The following HIP1 variants were observed in gnomAD, a reference collection of about 807,000 sequenced individuals.
The protein encoded by HIP1 is huntingtin interacting protein 1, also known as huntingtin-interacting protein 1.
In HIP1, 65 loss-of-function variants were observed where a neutral mutation model predicts 147.6. The ratio of observed to expected loss-of-function variants is 0.44; its 90% CI spans 0.36 to 0.54. The LOEUF (loss-of-function observed/expected upper bound fraction) is 0.54, where lower values mean the gene tolerates loss of function less well. HIP1 is among the 20% of genes least tolerant of loss of function. The pLI, the probability that HIP1 is intolerant of heterozygous loss-of-function variation, is 0.00. For missense variants in HIP1, 1,061 were observed against 1,299.6 expected (o/e 0.82, Z 2.82); for synonymous variants, 479 against 504.0 (o/e 0.95, Z 0.67).
intron 1 of HIP1, among the ~76,000 whole-genome samples, chr7:75,715,801 A>AAAAAAAAAAAAT: frequency 7.3e-6 from 1 of 137,482 alleles, no homozygotes; most frequent in East Asian, 2.2e-4. Context: ...AAAAAAAAAG[A>AAAAAAAAAAAAT]TGTCTATCTG....
intron 1 of HIP1, among the ~76,000 whole-genome samples, chr7:75,633,583 C>T (rs1390778886): frequency 5.9e-5 from 9 of 152,130 alleles, no homozygotes; most frequent in South Asian, 2.1e-4. Context: ...TGAGCCACCG[C>T]GCACCTGGCC....
chr7:75,628,532 G>C (rs970596544), intron 1 of HIP1, among the ~76,000 whole-genome samples: 1 of 137,878 alleles, frequency 7.3e-6, no homozygotes, highest in Non-Finnish European at 1.5e-5. Flanking sequence ...AGGCCAGACT[G>C]TAGTGGCACA....
chr7:75,702,161 A>T (rs1800854248), intron 1 of HIP1, among the ~76,000 whole-genome samples: 1 of 150,796 alleles, frequency 6.6e-6, no homozygotes, highest in Non-Finnish European at 1.5e-5. Context: ...CCCAGGCTGG[A>T]ATGCAATGGC....
At position 75,562,847 on chromosome 7, in the gene HIP1, A is replaced by G. The variant is rs1187768729; in HGVS notation, c.1020+88T>C. ...AGAAGCCTGAACCTGGTTAGAGTCA[A>G]TGGGCTTTGGCCAGGGTCTCCCCCA... is the stretch of plus-strand genomic sequence containing the variant. On this transcript the variant is annotated intron_variant, in intron 11 of 30. Transcript: ENST00000336926. 6 of 1,378,974 alleles carry G rather than the reference A, an allele frequency of 4.4e-6. No homozygotes were observed. The African/African-American group carries it at 5.7e-5, about 13-fold the overall frequency. 85.4% of individuals were successfully genotyped at this position (1,378,974 alleles called of 1,614,324 possible). A position where few individuals can be genotyped will look rare whatever the true frequency, so the allele number is the denominator to read the frequency against.
At chr7:75,736,456 C>T (rs1385714352) in intron 1 of HIP1, among the ~76,000 whole-genome samples, 2 of 151,830 alleles carry the variant, frequency 1.3e-5, no homozygotes, top group Non-Finnish European at 2.9e-5. Flanking sequence ...ATGGCTCATG[C>T]CTGTAGTCCC....
chr7:75,651,340 T>C (rs1392374398), intron 1 of HIP1, among the ~76,000 whole-genome samples: 4 of 151,444 alleles, frequency 2.6e-5, no homozygotes, highest in African/African-American at 9.7e-5. Flanking sequence ...GCACCTATAG[T>C]CCCAGCTACT....
intron 14 of HIP1, 23 bp downstream of exon 14, chr7:75,559,709 C>A: frequency 1.5e-6 from 1 of 682,646 alleles, no homozygotes; most frequent in South Asian, 1.7e-5. Context: ...CGGGGCCCGC[C>A]CCCGCCCCCA....
chr7:75,650,302 T>C (rs1798930044), intron 1 of HIP1, among the ~76,000 whole-genome samples: 1 of 152,056 alleles, frequency 6.6e-6, no homozygotes, highest in Non-Finnish European at 1.5e-5. Context: ...CAGAGCTCTC[T>C]GCCCCTGCCC....
At position 75,606,495 on chromosome 7, in the gene HIP1, G is replaced by C. The variant is rs587705771; in HGVS notation, c.121-7248C>G. On this transcript the variant is annotated intron_variant, in intron 1 of 30. Transcript: ENST00000336926. The stretch of plus-strand genomic sequence containing the variant: ...TTGGGAGGCTGAGGCAGAATTGCTT[G>C]AACACGGGAGGTGCAGGTTGCAGTG... 5.9e-5 allele frequency among the ~76,000 whole-genome samples: 9 copies of C among 152,042 alleles called. No individual in the cohort carries two copies. In the East Asian group the frequency reaches 1.2e-3, roughly 20 times the overall value.
chr7:75,685,077 C>T lies in HIP1; in HGVS notation c.120+53724G>A, dbSNP rs183879093. ...CTGCACTCCAGCCTGGGTGACAGAG[C>T]GAGACTCCGTCTCAAAAAAAATAAA... On this transcript the variant is annotated intron_variant, in intron 1 of 30. Coordinates refer to ENST00000336926, the MANE Select transcript of HIP1 (RefSeq NM_005338.7). Among the ~76,000 whole-genome samples the T allele has an allele frequency of 3.1e-3, 471 of 151,388 alleles. 2 individuals are homozygous for T. Among genetic ancestry groups the T allele is most frequent in the African/African-American group, 0.011 (442 of 41,240 alleles).
At position 75,738,828 on chromosome 7, in the gene HIP1, C is replaced by T; in HGVS notation, c.93G>A (p.Ala31=). Residue 31 remains alanine (A), a synonymous_variant, in exon 1 of 31, where the codon GCG becomes GCA. Coordinates refer to ENST00000336926, the MANE Select transcript of HIP1 (RefSeq NM_005338.7). ...GAGTCCGCTCGAAGCTCTCGCGCTC[C>T]GCCGCCTCCAGCCCAGCGCCGACCC... ...RRGVGAGLEA[A]ERESFERTQT... The T allele has an allele frequency of 6.3e-7, 1 of 1,599,112 alleles. No individual in the cohort carries two copies. Among genetic ancestry groups the T allele is most frequent in the African/African-American group, 1.3e-5 (1 of 74,462 alleles).
intron 1 of HIP1, among the ~76,000 whole-genome samples, chr7:75,731,829 C>T (rs977268206): frequency 6.6e-6 from 1 of 152,134 alleles, no homozygotes; most frequent in Admixed American, 6.6e-5. Flanking sequence ...TCAGGACCCA[C>T]GGTCACCATC....
chr7:75,656,601 T>C (rs1177386883), intron 1 of HIP1, among the ~76,000 whole-genome samples: 3 of 151,914 alleles, frequency 2.0e-5, no homozygotes, highest in African/African-American at 7.3e-5. Context: ...CCTCAGCCTC[T>C]GGAGTAGCTG....
At position 75,646,366 on chromosome 7, in the gene HIP1, C is replaced by T. The variant is rs373316913; in HGVS notation, c.121-47119G>A. Among the ~76,000 whole-genome samples the T allele has an allele frequency of 3.0e-4, 46 of 152,328 alleles. 1 individual carries two copies. The East Asian group carries it at 4.2e-3, about 14-fold the overall frequency. On this transcript the variant is annotated intron_variant, in intron 1 of 30. Coordinates refer to ENST00000336926, the MANE Select transcript of HIP1 (RefSeq NM_005338.7). ...CCTCCCAAAGTGCTGGGATTACGAG[C>T]GTGAGCCACCTCGCCTGGCCACAGT...
chr7:75,628,736 C>T (rs1230708720), intron 1 of HIP1, among the ~76,000 whole-genome samples: 4 of 152,194 alleles, frequency 2.6e-5, no homozygotes, highest in Non-Finnish European at 5.9e-5. Flanking sequence ...GCCTTGGCCT[C>T]CCAAAGGGCC....
chr7:75,685,015 CAGG>C (rs1800210751), intron 1 of HIP1, among the ~76,000 whole-genome samples: 1 of 152,050 alleles, frequency 6.6e-6, no homozygotes. Flanking sequence ...GGCATGAACC[CAGG>C]AGGTGGAGCT....
chr7:75,556,188 G>A lies in HIP1; in HGVS notation c.1684-19C>T. ...CTTCTGACTGCAAAGGTGACCACAA[G>A]GAAAGAGGGAGACGCTGGTTGAGTT... On this transcript the variant is annotated intron_variant, in intron 17 of 30. Coordinates refer to ENST00000336926, the MANE Select transcript of HIP1 (RefSeq NM_005338.7). 1 of 1,612,886 alleles carries A rather than the reference G, an allele frequency of 6.2e-7. No individual in the cohort carries two copies. The highest frequency in any genetic ancestry group is 8.5e-7 in the Non-Finnish European group (1 of 1,179,524).
At chr7:75,669,132 G>A (rs2905865) in intron 1 of HIP1, among the ~76,000 whole-genome samples, 85,558 of 150,818 alleles carry the variant, frequency 0.57, 24,755 homozygotes, top group African/African-American at 0.66. Context: ...TTGGGAGGCC[G>A]AGGCGGGTGG....
intron 1 of HIP1, among the ~76,000 whole-genome samples, chr7:75,670,515 T>G (rs1435873153): frequency 6.6e-6 from 1 of 152,116 alleles, no homozygotes; most frequent in Non-Finnish European, 1.5e-5. Context: ...ATATCCATAA[T>G]TTGTGCAACC....
Sources: allele counts gnomAD v4.1 joint callset (sites outside exome capture counted in the v4.1 genomes callset), GRCh38; gene constraint gnomAD v4.1.1; transcripts MANE v1.5; gene names NCBI Gene and HGNC (gene_info 2026-07-23, HGNC 2026-07-21).